The following RAB35 variants were observed in gnomAD, a reference collection of about 807,000 sequenced individuals.
RAB35 encodes ras-related protein Rab-35.
In RAB35, 4 loss-of-function variants were observed where a neutral mutation model predicts 28.9. That is an observed-to-expected ratio of 0.14 (90% CI 0.07 to 0.32). The LOEUF (loss-of-function observed/expected upper bound fraction) is 0.32, where lower values mean the gene tolerates loss of function less well. Among genes scored for constraint, RAB35 ranks in the 10% least tolerant of loss-of-function variants. The pLI, the probability that RAB35 is intolerant of heterozygous loss-of-function variation, is 1.00. For missense variants in RAB35, 128 were observed against 274.0 expected (o/e 0.47, Z 3.76); for synonymous variants, 99 against 105.1 (o/e 0.94, Z 0.35).
intron 3 of RAB35, among the ~76,000 whole-genome samples, chr12:120,101,326 G>A (rs1034605770): frequency 2.0e-5 from 3 of 152,200 alleles, no homozygotes; most frequent in African/African-American, 7.2e-5. Flanking sequence ...CCAGCTGGAA[G>A]TCCTGGCGCC....
At chr12:120,114,539 G>A (rs1306332033) in intron 1 of RAB35, among the ~76,000 whole-genome samples, 2 of 152,226 alleles carry the variant, frequency 1.3e-5, no homozygotes, top group African/African-American at 4.8e-5. Flanking sequence ...GGGCTCAGCT[G>A]CCAAAGCTTA....
At chr12:120,104,079 G>A in intron 2 of RAB35, 130 bp from the exon 3 acceptor site, 1 of 1,282,854 alleles carries the variant, frequency 7.8e-7, no homozygotes, top group Admixed American at 2.5e-5. Flanking sequence ...TACATTCTAG[G>A]TCCCAGGGAC....
chr12:120,096,823 T>C lies in RAB35; in HGVS notation c.*422A>G. 7.7e-7 allele frequency: 1 copy of C among 1,293,920 alleles called. No homozygotes were observed. Among genetic ancestry groups the C allele is most frequent in the Non-Finnish European group, 1.0e-6 (1 of 991,674 alleles). The allele number at this position is 1,293,920 out of a possible 1,614,324, so 80.2% of individuals were successfully genotyped here. A position where few individuals can be genotyped will look rare whatever the true frequency, so the allele number is the denominator to read the frequency against. ...CAGACGCAGCTAGAACGTGCCGCTG[T>C]CTCCTCAGGACGCTGCTTGCAGTAA... is the stretch of plus-strand genomic sequence containing the variant. On this transcript the variant is annotated 3_prime_UTR_variant, in exon 6 of 6. Transcript: ENST00000229340.
intron 3 of RAB35, chr12:120,099,488 A>C: frequency 2.8e-6 from 1 of 359,370 alleles, no homozygotes; most frequent in Non-Finnish European, 5.1e-6. Context: ...TATTTTGGGA[A>C]ATCAGGCAGT....
chr12:120,106,410 C>T (rs920251959), intron 2 of RAB35, among the ~76,000 whole-genome samples: 1 of 152,136 alleles, frequency 6.6e-6, no homozygotes, highest in East Asian at 1.9e-4. Flanking sequence ...ATTATGATTT[C>T]TACTTTACAC....
At chr12:120,106,553 C>G (rs1875879943) in intron 2 of RAB35, among the ~76,000 whole-genome samples, 1 of 151,888 alleles carries the variant, frequency 6.6e-6, no homozygotes, top group African/African-American at 2.4e-5. Flanking sequence ...ACCCACTTCT[C>G]CACCAAGAGA....
At chr12:120,101,260 C>G (rs1251488659) in intron 3 of RAB35, among the ~76,000 whole-genome samples, 1 of 152,200 alleles carries the variant, frequency 6.6e-6, no homozygotes, top group African/African-American at 2.4e-5. Context: ...CCACCTGATC[C>G]AGCAGACCTC....
intron 2 of RAB35, among the ~76,000 whole-genome samples, chr12:120,104,669 C>T (rs959418013): frequency 4.6e-5 from 7 of 152,022 alleles, no homozygotes; most frequent in African/African-American, 1.7e-4. Flanking sequence ...GGGGGGACAG[C>T]GTCTCATTCT....
intron 3 of RAB35, among the ~76,000 whole-genome samples, chr12:120,100,307 T>A (rs535869888): frequency 5.3e-5 from 8 of 152,194 alleles, no homozygotes; most frequent in Non-Finnish European, 1.5e-5. Flanking sequence ...CCTGGCTCCA[T>A]CTCTGAAAGG....
chr12:120,112,414 T>C (rs928914316), intron 1 of RAB35, among the ~76,000 whole-genome samples: 1 of 152,040 alleles, frequency 6.6e-6, no homozygotes, highest in African/African-American at 2.4e-5. Context: ...CCCTGACCTT[T>C]CAGTGAACTG....
In RAB35 at chr12:120,098,808, C is replaced by T; in HGVS notation, c.477+3G>A. On this transcript the variant is annotated splice_donor_region_variant and intron_variant, in intron 5 of 5. Transcript: ENST00000229340. ...GCAGAGCCACAGTGGCCCAGGGCCT[C>T]ACCTCTTCCACGTTGACATTCTCCT... The T allele has an allele frequency of 6.2e-7, 1 of 1,614,198 alleles. No homozygotes were observed. The highest frequency in any genetic ancestry group is 8.5e-7 in the Non-Finnish European group (1 of 1,180,024).
intron 1 of RAB35, 161 bp from the exon 2 acceptor site, chr12:120,108,628 C>T (rs1171600292): frequency 2.8e-6 from 2 of 718,946 alleles, no homozygotes; most frequent in Non-Finnish European, 5.1e-6. Context: ...AGCGGCCACA[C>T]ACCAAGAACA....
intron 1 of RAB35, among the ~76,000 whole-genome samples, chr12:120,114,460 G>A (rs934048960): frequency 1.3e-5 from 2 of 152,206 alleles, no homozygotes; most frequent in East Asian, 1.9e-4. Context: ...CTGTGAAATC[G>A]TTCAACATAT....
chr12:120,096,313 G>A lies in RAB35; in HGVS notation c.*932C>T. 2 of 752,138 alleles carry A rather than the reference G, an allele frequency of 2.7e-6. No homozygotes were observed. Among genetic ancestry groups the A allele is most frequent in the Non-Finnish European group, 3.7e-6 (2 of 536,788 alleles). 46.6% of individuals were successfully genotyped at this position (752,138 alleles called of 1,614,324 possible). On this transcript the variant is annotated 3_prime_UTR_variant, in exon 6 of 6. Transcript: ENST00000229340. The stretch of plus-strand genomic sequence containing the variant: ...TTTTCTAAAAACAGTGGACACAAGT[G>A]GGGTGGCCTCAACTTTTGCTGCTGT...
At chr12:120,104,286 G>T (rs933634396) in intron 2 of RAB35, among the ~76,000 whole-genome samples, 17 of 152,186 alleles carry the variant, frequency 1.1e-4, no homozygotes, top group African/African-American at 3.9e-4. Context: ...CTATGTCTGA[G>T]AATGGTAGAC....
chr12:120,103,731 A>G lies in RAB35; in HGVS notation c.227+95T>C. ...CACTTCCCGACAGCCTCAGGGACCC[A>G]CCAGTGACATTTCCACCATGACCAG... is the stretch of plus-strand genomic sequence containing the variant. On this transcript the variant is annotated intron_variant, in intron 3 of 5. Coordinates refer to ENST00000229340, the MANE Select transcript of RAB35 (RefSeq NM_006861.7). This position sits in a 1 kb window ranked among gnomAD's most constrained non-coding sequence, Gnocchi z 6.1. 1 of 1,541,416 alleles carries G rather than the reference A, an allele frequency of 6.5e-7. No homozygotes were observed. The highest frequency in any genetic ancestry group is 8.8e-7 in the Non-Finnish European group (1 of 1,138,364).
At chr12:120,105,151 G>A (rs1462712156) in intron 2 of RAB35, among the ~76,000 whole-genome samples, 1 of 152,216 alleles carries the variant, frequency 6.6e-6, no homozygotes, top group Admixed American at 6.5e-5. Flanking sequence ...AGGCTTCAGG[G>A]AGGACGTCAC....
At chr12:120,104,562 G>A (rs1436765901) in intron 2 of RAB35, among the ~76,000 whole-genome samples, 3 of 152,212 alleles carry the variant, frequency 2.0e-5, no homozygotes, top group South Asian at 4.1e-4. Flanking sequence ...GTGTGTGCTG[G>A]GGAGGCACCA....
chr12:120,111,037 A>T (rs533328337), intron 1 of RAB35, among the ~76,000 whole-genome samples: 2 of 152,324 alleles, frequency 1.3e-5, no homozygotes, highest in African/African-American at 4.8e-5. Flanking sequence ...TGAGTCTGGG[A>T]GTTCCTCTAG....
Sources: gnomAD v4.1 joint callset for allele counts (sites outside exome capture counted in the v4.1 genomes callset) on GRCh38, gnomAD v4.1.1 for gene constraint, Gnocchi (gnomAD v3.1) non-coding constraint, MANE v1.5 for transcripts, NCBI Gene and HGNC (gene_info 2026-07-23, HGNC 2026-07-21) for gene names.